LRRFIP1: variants seen among roughly 807,000 people sequenced by gnomAD.
The protein encoded by LRRFIP1 is LRR binding FLII interacting protein 1, also known as leucine-rich repeat flightless-interacting protein 1.
A neutral mutation model predicts 104.4 loss-of-function variants in LRRFIP1; 62 were observed. The observed-to-expected ratio is 0.59, with a 90% CI of 0.48 to 0.73. The LOEUF (loss-of-function observed/expected upper bound fraction) is 0.73. Ranked by LOEUF, LRRFIP1 falls within the 30% of genes least tolerant of loss-of-function variation. LRRFIP1 has a pLI of 0.00. For synonymous variants in LRRFIP1, 300 were observed against 299.0 expected (o/e 1.00, Z -0.03); for missense variants, 796 against 824.5 (o/e 0.97, Z 0.42).
intron 1 of LRRFIP1, among the ~76,000 whole-genome samples, chr2:237,650,888 G>A (rs1458443755): frequency 6.6e-6 from 1 of 152,166 alleles, no homozygotes; most frequent in South Asian, 2.1e-4. Flanking sequence ...GGGAAGCTGG[G>A]TAAATGTCGG....
chr2:237,763,441 C>G lies in LRRFIP1; in HGVS notation c.1459+3236C>G, dbSNP rs868052959. The G allele has an allele frequency of 3.7e-6, 6 of 1,613,168 alleles. No individual in the cohort carries two copies. The East Asian group carries it at 6.7e-5, about 18-fold the overall frequency. ...AGACAAAGAACAAGAAAAAGAAAAA[C>G]AAGAAGAAAAAATCCCCAGTACCCG... On this transcript the variant is annotated intron_variant, in intron 19 of 23. Transcript: ENST00000308482.
At chr2:237,723,467 A>T in intron 6 of LRRFIP1, 81 bp from the exon 7 acceptor site, 1 of 1,359,506 alleles carries the variant, frequency 7.4e-7, no homozygotes, top group Non-Finnish European at 1.0e-6. Context: ...GCTTGTATTT[A>T]TGTTTTACTT....
chr2:237,761,134 A>G (rs931550524), intron 19 of LRRFIP1, among the ~76,000 whole-genome samples: 1 of 152,126 alleles, frequency 6.6e-6, no homozygotes, highest in African/African-American at 2.4e-5. Context: ...AAATGTAGAC[A>G]CCTCCAGGCC....
In LRRFIP1 at chr2:237,735,402, A is replaced by C; in HGVS notation, c.555+69A>C. 6.7e-7 allele frequency: 1 copy of C among 1,482,314 alleles called. No individual in the cohort carries two copies. The highest frequency in any genetic ancestry group is 9.2e-7 in the Non-Finnish European group (1 of 1,088,008). 91.8% of individuals were successfully genotyped at this position (1,482,314 alleles called of 1,614,324 possible). Reference sequence around the variant, plus strand: ...CATGGCCTGGGGATGCTCGCTGGGCAGGGTCCAGCCGTGGGGGGTGACTGG... The same window carrying C: ...CATGGCCTGGGGATGCTCGCTGGGCCGGGTCCAGCCGTGGGGGGTGACTGG... On this transcript the variant is annotated intron_variant, in intron 10 of 23. Transcript: ENST00000308482. The surrounding 1 kb of genome is among the most constrained non-coding windows in gnomAD (Gnocchi z 4.6).
chr2:237,678,787 T>G (rs2091471817), intron 1 of LRRFIP1, among the ~76,000 whole-genome samples: 1 of 152,102 alleles, frequency 6.6e-6, no homozygotes, highest in African/African-American at 2.4e-5. Context: ...GGATTACAGG[T>G]GTGAGCCACA....
intron 1 of LRRFIP1, among the ~76,000 whole-genome samples, chr2:237,698,512 C>A (rs2093331505): frequency 6.6e-6 from 1 of 152,236 alleles, no homozygotes; most frequent in African/African-American, 2.4e-5. Context: ...GCCAGGTCCC[C>A]CGAGTGCAGA....
intron 1 of LRRFIP1, among the ~76,000 whole-genome samples, chr2:237,654,644 G>A (rs1310473123): frequency 1.3e-5 from 2 of 151,816 alleles, no homozygotes; most frequent in African/African-American, 2.4e-5. Context: ...TCCGCCTCAC[G>A]GGTTCAAGTG....
intron 1 of LRRFIP1, among the ~76,000 whole-genome samples, chr2:237,641,784 TA>T (rs1242996248): frequency 6.6e-6 from 1 of 152,208 alleles, no homozygotes; most frequent in African/African-American, 2.4e-5. Flanking sequence ...CAGGTGAAAA[TA>T]ACATATAACA....
In LRRFIP1 at chr2:237,733,652, G is replaced by C. The variant is rs2095113212; in HGVS notation, c.445-122G>C. On this transcript the variant is annotated intron_variant, in intron 8 of 23. Transcript: ENST00000308482. The stretch of plus-strand genomic sequence containing the variant: ...ACGGTGCCTCGATCGGTTTGTTTCT[G>C]TTTAACCACTGTACAGCAGTTGGCT... The C allele has an allele frequency of 1.7e-5, 16 of 944,762 alleles. No homozygotes were observed. The South Asian group carries it at 2.3e-4, about 14-fold the overall frequency. The allele number at this position is 944,762 out of a possible 1,614,324, so 58.5% of individuals were successfully genotyped here.
intron 23 of LRRFIP1, among the ~76,000 whole-genome samples, chr2:237,775,493 C>T (rs565652122): frequency 6.6e-6 from 1 of 152,276 alleles, no homozygotes; most frequent in East Asian, 1.9e-4. Context: ...GGAGCTACTG[C>T]AGGGTTTTGA....
intron 7 of LRRFIP1, among the ~76,000 whole-genome samples, chr2:237,723,915 A>G (rs1409736513): frequency 6.6e-6 from 1 of 152,276 alleles, no homozygotes; most frequent in East Asian, 1.9e-4. Context: ...TCTGCCTTCA[A>G]GGAACTCAAA....
chr2:237,686,445 G>A (rs1559542779), intron 1 of LRRFIP1, among the ~76,000 whole-genome samples: 1 of 152,190 alleles, frequency 6.6e-6, no homozygotes, highest in East Asian at 1.9e-4. Context: ...GAGAATTAAT[G>A]ACAATTCATC....
chr2:237,655,142 G>A (rs769369869), intron 1 of LRRFIP1, among the ~76,000 whole-genome samples: 1 of 51,986 alleles, frequency 1.9e-5, no homozygotes, highest in Admixed American at 2.8e-4. Context: ...ACGGAGTCTC[G>A]CTCTGTCGCC....
chr2:237,757,392 C>T (rs2059380588), intron 16 of LRRFIP1, 64 bp from the exon 17 acceptor site: 1 of 1,088,754 alleles, frequency 9.2e-7, no homozygotes, highest in Non-Finnish European at 1.4e-6. Flanking sequence ...CAGGTTCTCT[C>T]TCGGGCTGGG....
intron 1 of LRRFIP1, among the ~76,000 whole-genome samples, chr2:237,663,428 T>TCC (rs11313761): frequency 4.0e-5 from 6 of 151,804 alleles, no homozygotes; most frequent in African/African-American, 1.5e-4. Flanking sequence ...GGGAGTTCTT[T>TCC]CCCCCCCCAT....
intron 7 of LRRFIP1, among the ~76,000 whole-genome samples, chr2:237,726,711 C>T (rs1334045426): frequency 2.6e-5 from 4 of 152,170 alleles, no homozygotes; most frequent in African/African-American, 9.7e-5. Flanking sequence ...TCCATTTTTA[C>T]CAGTTGTGTA....
At chr2:237,692,915 G>A (rs1219186630) in intron 1 of LRRFIP1, among the ~76,000 whole-genome samples, 4 of 152,242 alleles carry the variant, frequency 2.6e-5, no homozygotes, top group Non-Finnish European at 5.9e-5. Flanking sequence ...GCCCTCACCC[G>A]CTGTTGGAAC....
chr2:237,697,688 G>A (rs10192143), intron 1 of LRRFIP1, among the ~76,000 whole-genome samples: 50,021 of 152,096 alleles, frequency 0.33, 10,260 homozygotes, highest in African/African-American at 0.58. Context: ...TGAAACCCTA[G>A]AGGTCTGGGG....
chr2:237,733,072 G>A (rs905522070), intron 8 of LRRFIP1, among the ~76,000 whole-genome samples: 29 of 152,162 alleles, frequency 1.9e-4, no homozygotes, highest in African/African-American at 5.3e-4. Context: ...CCGCCTGGCC[G>A]TGCACCTTGC....
Sources: gnomAD v4.1 joint callset for allele counts (sites outside exome capture counted in the v4.1 genomes callset) on GRCh38, gnomAD v4.1.1 for gene constraint, Gnocchi (gnomAD v3.1) non-coding constraint, MANE v1.5 for transcripts, NCBI Gene and HGNC (gene_info 2026-07-23, HGNC 2026-07-21) for gene names.